The following PAN3 variants were observed in gnomAD, a reference collection of about 807,000 sequenced individuals.
The protein encoded by PAN3 is poly(A) specific ribonuclease subunit PAN3, also known as PAN2-PAN3 deadenylation complex subunit PAN3.
PAN3 carries 19 observed loss-of-function variants against 96.2 expected under a neutral mutation model. That is an observed-to-expected ratio of 0.20 (90% CI 0.14 to 0.29). The LOEUF (loss-of-function observed/expected upper bound fraction) is 0.29, where lower values mean the gene tolerates loss of function less well. PAN3 is among the 10% of genes least tolerant of loss of function. PAN3 has a pLI of 1.00. For missense variants in PAN3, 882 were observed against 1,108.1 expected (o/e 0.80, Z 2.90); for synonymous variants, 433 against 406.6 (o/e 1.06, Z -0.78).
chr13:28,148,392 C>T (rs1320636227), intron 1 of PAN3, among the ~76,000 whole-genome samples: 1 of 152,102 alleles, frequency 6.6e-6, no homozygotes. Context: ...TAGCAAATCT[C>T]TCTCCTCAGT....
chr13:28,152,532 C>T (rs952623581), intron 1 of PAN3, among the ~76,000 whole-genome samples: 17 of 151,200 alleles, frequency 1.1e-4, no homozygotes, highest in Middle Eastern at 3.4e-3. Context: ...TGGAGTGAGC[C>T]GAGATGGCGC....
chr13:28,208,297 G>T (rs1348702607), intron 5 of PAN3, among the ~76,000 whole-genome samples: 3 of 152,116 alleles, frequency 2.0e-5, no homozygotes, highest in Admixed American at 2.0e-4. Context: ...AGTAGTTCTT[G>T]CCTCTTTGGA....
At chr13:28,286,757 G>A (rs776811882) in intron 17 of PAN3, among the ~76,000 whole-genome samples, 4 of 152,174 alleles carry the variant, frequency 2.6e-5, no homozygotes, top group Non-Finnish European at 5.9e-5. Flanking sequence ...TTGAAAGGGA[G>A]CAGAGATAAA....
At chr13:28,237,786 A>G (rs1883245094) in intron 6 of PAN3, among the ~76,000 whole-genome samples, 1 of 152,170 alleles carries the variant, frequency 6.6e-6, no homozygotes, top group Non-Finnish European at 1.5e-5. Flanking sequence ...TTGTGTACTC[A>G]TGTGTTCAAG....
At chr13:28,250,885 G>T (rs760291701) in intron 6 of PAN3, among the ~76,000 whole-genome samples, 2 of 151,924 alleles carry the variant, frequency 1.3e-5, no homozygotes, top group Admixed American at 6.6e-5. Context: ...CTTTTTTTTC[G>T]AATGTTGCTT....
Position 28,138,617 on chromosome 13 carries a change from G to GCGGCGGCGA in PAN3, c.-40_-39insGGCGGCGAC, listed in dbSNP as rs2137880785. The GCGGCGGCGA allele has an allele frequency of 2.0e-6, 1 of 500,708 alleles. No homozygotes were observed. Among genetic ancestry groups the GCGGCGGCGA allele is most frequent in the Non-Finnish European group, 3.4e-6 (1 of 295,826 alleles). 31.0% of individuals were successfully genotyped at this position (500,708 alleles called of 1,614,324 possible). Reference sequence around the variant, plus strand: ...CCCGTCTATGGTGGTGGCGGCGGCGGCTCCTCGGGCGGCGGCGGAAGACGA... The same window carrying GCGGCGGCGA: ...CCCGTCTATGGTGGTGGCGGCGGCGGCGGCGGCGACTCCTCGGGCGGCGGCGGAAGACGA... On this transcript the variant is annotated 5_prime_UTR_variant, in exon 1 of 19. Coordinates refer to ENST00000380958, the MANE Select transcript of PAN3 (RefSeq NM_175854.8).
intron 15 of PAN3, 39 bp downstream of exon 15, chr13:28,277,415 T>C (rs770197167): frequency 6.3e-7 from 1 of 1,577,014 alleles, no homozygotes; most frequent in South Asian, 1.2e-5. Flanking sequence ...AGAATGATTA[T>C]TTGCGATAAG....
chr13:28,246,238 A>T (rs1265676573), intron 6 of PAN3, among the ~76,000 whole-genome samples: 1 of 152,032 alleles, frequency 6.6e-6, no homozygotes, highest in Admixed American at 6.6e-5. Context: ...GCCCAGTTTT[A>T]AATTTACTTG....
rs531831269 is a variant in PAN3, at chr13:28,172,349, G to A, written c.431-1923G>A. Among the ~76,000 whole-genome samples the A allele has an allele frequency of 5.9e-5, 9 of 152,136 alleles. 1 individual carries two copies. In the South Asian group the frequency reaches 1.0e-3, roughly 18 times the overall value. On this transcript the variant is annotated intron_variant, in intron 1 of 18. Transcript: ENST00000380958. ...TGGGCGCCTGTATTCCAAGCTATTCGGGAGGCTGAGGCAAGAGAATGGTGT... is the reference window on the plus strand; with the variant it reads ...TGGGCGCCTGTATTCCAAGCTATTCAGGAGGCTGAGGCAAGAGAATGGTGT...
intron 1 of PAN3, among the ~76,000 whole-genome samples, chr13:28,171,197 C>G (rs1593403455): frequency 2.0e-5 from 3 of 152,286 alleles, no homozygotes; most frequent in Admixed American, 2.0e-4. Context: ...TCATTACCCT[C>G]AAATAAAAAT....
intron 5 of PAN3, chr13:28,215,215 G>A: frequency 1.4e-6 from 1 of 710,230 alleles, no homozygotes; most frequent in East Asian, 2.6e-5. Context: ...GCTCTGGACT[G>A]CATCCTCCCA....
At chr13:28,209,022 CATA>C (rs1351176092) in intron 5 of PAN3, among the ~76,000 whole-genome samples, 2 of 152,132 alleles carry the variant, frequency 1.3e-5, no homozygotes, top group Non-Finnish European at 2.9e-5. Context: ...GTGCTTAAGG[CATA>C]ATATTTGCAT....
intron 1 of PAN3, among the ~76,000 whole-genome samples, chr13:28,169,758 A>G (rs118057496): frequency 6.6e-6 from 1 of 152,146 alleles, no homozygotes; most frequent in East Asian, 1.9e-4. Context: ...TTAAAAAATA[A>G]TAATTTTAGG....
rs746314630 is a variant in PAN3 at position 28,277,399 on chromosome 13, T to A, written c.2189+23T>A. 3.8e-6 allele frequency: 6 copies of A among 1,591,950 alleles called. No homozygotes were observed. In the East Asian group the frequency reaches 1.1e-4, roughly 30 times the overall value. On this transcript the variant is annotated intron_variant, in intron 15 of 18. Transcript: ENST00000380958. ...TTTGTAAGTTTTAATATATGATAAA[T>A]TGTACAGAATGATTATTTGCGATAA...
At chr13:28,146,331 T>C (rs754081280) in intron 1 of PAN3, among the ~76,000 whole-genome samples, 19 of 148,860 alleles carry the variant, frequency 1.3e-4, no homozygotes, top group South Asian at 4.3e-4. Flanking sequence ...TCTCTCATAT[T>C]AGCTTGGGTT....
chr13:28,143,119 TG>T (rs1335031671), intron 1 of PAN3, among the ~76,000 whole-genome samples: 19 of 152,126 alleles, frequency 1.2e-4, no homozygotes, highest in African/African-American at 4.1e-4. Context: ...TTTTTGTTTT[TG>T]TTTTTTTTGA....
chr13:28,202,714 T>A (rs1463852482), intron 5 of PAN3, among the ~76,000 whole-genome samples: 1 of 152,064 alleles, frequency 6.6e-6, no homozygotes, highest in Non-Finnish European at 1.5e-5. Context: ...CCTAGTGTAT[T>A]TGGTGTTTTA....
chr13:28,189,696 G>A (rs150587522), intron 4 of PAN3, among the ~76,000 whole-genome samples: 62 of 152,114 alleles, frequency 4.1e-4, no homozygotes, highest in Non-Finnish European at 7.2e-4. Flanking sequence ...TCTCTCTGAC[G>A]TTATTGAGAA....
chr13:28,206,089 T>C (rs1879317395), intron 5 of PAN3, among the ~76,000 whole-genome samples: 1 of 152,070 alleles, frequency 6.6e-6, no homozygotes, highest in African/African-American at 2.4e-5. Flanking sequence ...CATTCCATGT[T>C]TAAATCTTTT....
Sources: allele counts gnomAD v4.1 joint callset (sites outside exome capture counted in the v4.1 genomes callset), GRCh38; gene constraint gnomAD v4.1.1; transcripts MANE v1.5; gene names NCBI Gene and HGNC (gene_info 2026-07-23, HGNC 2026-07-21).